The following OTUD7A variants were observed in gnomAD, a reference collection of about 807,000 sequenced individuals.
The protein encoded by OTUD7A is OTU domain-containing protein 7A.
Under a neutral mutation model 65.7 loss-of-function variants are expected in OTUD7A, and 12 were observed. The ratio of observed to expected loss-of-function variants is 0.18; its 90% CI spans 0.12 to 0.30. OTUD7A has a LOEUF of 0.30. OTUD7A is among the 10% of genes least tolerant of loss of function. The pLI, the probability that OTUD7A is intolerant of heterozygous loss-of-function variation, is 1.00. For missense variants in OTUD7A, 1,148 were observed against 1,304.8 expected (o/e 0.88, Z 1.85); for synonymous variants, 641 against 586.3 (o/e 1.09, Z -1.35).
At chr15:31,774,641 T>C (rs1191934640) in intron 1 of OTUD7A, among the ~76,000 whole-genome samples, 3 of 152,210 alleles carry the variant, frequency 2.0e-5, no homozygotes, top group Non-Finnish European at 2.9e-5. Context: ...TTACTGCTAG[T>C]TGCTGATTAC....
intron 1 of OTUD7A, among the ~76,000 whole-genome samples, chr15:31,665,906 G>C (rs1321951781): frequency 6.6e-6 from 1 of 152,092 alleles, no homozygotes; most frequent in Non-Finnish European, 1.5e-5. Context: ...TGCATCTATC[G>C]AGACGATCAC....
chr15:31,786,050 TA>T (rs1895664744), intron 1 of OTUD7A, among the ~76,000 whole-genome samples: 2 of 152,004 alleles, frequency 1.3e-5, no homozygotes, highest in Non-Finnish European at 2.9e-5. Flanking sequence ...CATAGCTTTA[TA>T]AGAAGAGGAA....
chr15:31,509,365 A>G (rs6493720), intron 8 of OTUD7A, among the ~76,000 whole-genome samples: 110,436 of 151,780 alleles, frequency 0.73, 40,391 homozygotes, highest in East Asian at 0.84. Context: ...CGCAAATTCC[A>G]CCTCCTGGGT....
chr15:31,624,228 T>C (rs1454847512), intron 3 of OTUD7A, among the ~76,000 whole-genome samples: 5 of 152,252 alleles, frequency 3.3e-5, no homozygotes, highest in Non-Finnish European at 5.9e-5. Context: ...ATTCACTCAG[T>C]ACAAATTTAA....
At chr15:31,610,615 A>ATTT (rs1336235314) in intron 3 of OTUD7A, among the ~76,000 whole-genome samples, 1,957 of 32,512 alleles carry the variant, frequency 0.06, 70 homozygotes, top group Non-Finnish European at 0.069. Context: ...ATATATATAT[A>ATTT]TATTTTTTTT....
chr15:31,680,862 T>C (rs1276101231), intron 1 of OTUD7A, among the ~76,000 whole-genome samples: 1 of 151,656 alleles, frequency 6.6e-6, no homozygotes, highest in Non-Finnish European at 1.5e-5. Context: ...AGGGCTAGTT[T>C]TGAGTTGAGG....
At chr15:31,823,905 C>T (rs1896742651) in intron 1 of OTUD7A, among the ~76,000 whole-genome samples, 1 of 152,198 alleles carries the variant, frequency 6.6e-6, no homozygotes, top group Non-Finnish European at 1.5e-5. Flanking sequence ...CAGTTCATGG[C>T]ATAAACTGTC....
intron 1 of OTUD7A, among the ~76,000 whole-genome samples, chr15:31,735,051 A>G (rs1243532712): frequency 2.0e-4 from 1 of 5,030 alleles, no homozygotes; most frequent in Admixed American, 7.6e-3. Flanking sequence ...ACAAATTTAC[A>G]AGAAAAAAAC....
intron 1 of OTUD7A, among the ~76,000 whole-genome samples, chr15:31,831,984 G>A (rs1456041384): frequency 6.6e-6 from 1 of 152,250 alleles, no homozygotes; most frequent in African/African-American, 2.4e-5. Context: ...GCATGAGGGA[G>A]ATTTCTGGTA....
chr15:31,677,593 T>A (rs1233109683), intron 1 of OTUD7A, among the ~76,000 whole-genome samples: 2 of 152,120 alleles, frequency 1.3e-5, no homozygotes, highest in Admixed American at 6.5e-5. Flanking sequence ...GTGCCTGGCA[T>A]TTCCCCTGCT....
intron 12 of OTUD7A, among the ~76,000 whole-genome samples, chr15:31,486,011 G>A (rs571427055): frequency 2.9e-4 from 44 of 152,312 alleles, no homozygotes; most frequent in African/African-American, 9.9e-4. Flanking sequence ...GGCCAGGAAG[G>A]GAGGTGCGCC....
At chr15:31,652,688 G>A (rs2141275280) in intron 3 of OTUD7A, among the ~76,000 whole-genome samples, 1 of 149,070 alleles carries the variant, frequency 6.7e-6, no homozygotes, top group East Asian at 2.4e-4. Context: ...TTTCACGAAA[G>A]AGAATAAAAA....
At chr15:31,848,355 G>C (rs2141001849) in intron 1 of OTUD7A, among the ~76,000 whole-genome samples, 1 of 152,262 alleles carries the variant, frequency 6.6e-6, no homozygotes, top group East Asian at 1.9e-4. Flanking sequence ...AGGGGGACGT[G>C]CAGACCAGTC....
At chr15:31,808,983 G>A (rs1896352097) in intron 1 of OTUD7A, among the ~76,000 whole-genome samples, 1 of 152,182 alleles carries the variant, frequency 6.6e-6, no homozygotes, top group Admixed American at 6.5e-5. Flanking sequence ...GCTCAAAGTG[G>A]AGACTGAAAA....
chr15:31,781,621 ACTT>A (rs1895542299), intron 1 of OTUD7A, among the ~76,000 whole-genome samples: 1 of 151,898 alleles, frequency 6.6e-6, no homozygotes, highest in African/African-American at 2.4e-5. Context: ...CGTCAGTCAC[ACTT>A]CTTCTGACTG....
chr15:31,488,671 C>T (rs1192369473), intron 10 of OTUD7A, among the ~76,000 whole-genome samples: 1 of 152,114 alleles, frequency 6.6e-6, no homozygotes, highest in African/African-American at 2.4e-5. Flanking sequence ...GGTGCCATGG[C>T]AAGAACAAAA....
At chr15:31,776,078 C>T (rs1895370838) in intron 1 of OTUD7A, among the ~76,000 whole-genome samples, 1 of 152,208 alleles carries the variant, frequency 6.6e-6, no homozygotes, top group Non-Finnish European at 1.5e-5. Context: ...CACCTGTCCA[C>T]ACACTGCAGA....
intron 4 of OTUD7A, among the ~76,000 whole-genome samples, chr15:31,562,545 T>A (rs1454391310): frequency 6.6e-6 from 1 of 152,070 alleles, no homozygotes; most frequent in East Asian, 1.9e-4. Context: ...CGCCTCCCCG[T>A]GTGGCCCTGC....
intron 1 of OTUD7A, among the ~76,000 whole-genome samples, chr15:31,671,347 G>GT: frequency 6.6e-6 from 1 of 152,280 alleles, no homozygotes; most frequent in Admixed American, 6.5e-5. Context: ...CCCATTGCTT[G>GT]TTTTTGTCAA....
Sources: allele counts gnomAD v4.1 joint callset (sites outside exome capture counted in the v4.1 genomes callset), GRCh38; gene constraint gnomAD v4.1.1; transcripts MANE v1.5; gene names NCBI Gene and HGNC (gene_info 2026-07-23, HGNC 2026-07-21).